Variants in FOXP1 observed in about 807,000 individuals in gnomAD.
The protein encoded by FOXP1 is forkhead box P1.
FOXP1 carries 15 observed loss-of-function variants against 98.2 expected under a neutral mutation model. That is an observed-to-expected ratio of 0.15 (90% CI 0.10 to 0.24). The LOEUF (loss-of-function observed/expected upper bound fraction) is 0.24, where lower values mean the gene tolerates loss of function less well. Ranked by LOEUF, FOXP1 falls within the 10% of genes least tolerant of loss-of-function variation. The pLI is 1.00. For missense variants in FOXP1, 633 were observed against 848.5 expected (o/e 0.75, Z 3.15); for synonymous variants, 371 against 314.5 (o/e 1.18, Z -1.90).
chr3:71,197,343 A>C (rs563022348), intron 6 of FOXP1, among the ~76,000 whole-genome samples: 10 of 152,274 alleles, frequency 6.6e-5, no homozygotes, highest in South Asian at 4.1e-4. Flanking sequence ...CCTGATTCCG[A>C]GGAATCAGGA....
At chr3:71,438,755 A>G (rs1259858517) in intron 3 of FOXP1, among the ~76,000 whole-genome samples, 2 of 152,126 alleles carry the variant, frequency 1.3e-5, no homozygotes, top group Non-Finnish European at 2.9e-5. Context: ...AAAAAAAAAA[A>G]ACCAGTCTCC....
At chr3:71,176,708 T>G (rs2061956200) in intron 6 of FOXP1, among the ~76,000 whole-genome samples, 1 of 125,366 alleles carries the variant, frequency 8.0e-6, no homozygotes, top group Non-Finnish European at 1.6e-5. Flanking sequence ...ACTACTGTAC[T>G]ACTCCAGCCA....
rs565765496 is a variant in FOXP1, at chr3:71,075,664, G to T, written c.283-21891C>A. Among the ~76,000 whole-genome samples, 11 of 152,024 alleles carry T rather than the reference G, an allele frequency of 7.2e-5. No homozygotes were observed. In the East Asian group the frequency reaches 2.1e-3, roughly 29 times the overall value. On this transcript the variant is annotated intron_variant, in intron 7 of 20. Coordinates refer to ENST00000649528, the MANE Select transcript of FOXP1 (RefSeq NM_001349338.3). ...TTCATCACTTGCATGTGGTGAAGGA[G>T]TATGGTGATTTGCTAAACACTGAGC...
At chr3:71,191,134 T>G (rs1384560509) in intron 6 of FOXP1, among the ~76,000 whole-genome samples, 1 of 152,200 alleles carries the variant, frequency 6.6e-6, no homozygotes, top group Non-Finnish European at 1.5e-5. Context: ...TATATAAACA[T>G]TCCAATTCTG....
intron 12 of FOXP1, among the ~76,000 whole-genome samples, chr3:71,010,834 T>TC (rs932229295): frequency 3.6e-4 from 26 of 72,174 alleles, no homozygotes; most frequent in Middle Eastern, 6.5e-3. Context: ...TAACCCCCCC[T>TC]CCCCCCCCAC....
intron 14 of FOXP1, among the ~76,000 whole-genome samples, chr3:70,985,870 T>C (rs1408983530): frequency 6.6e-6 from 1 of 152,126 alleles, no homozygotes; most frequent in Non-Finnish European, 1.5e-5. Context: ...TCTAAATAAA[T>C]GGTTATAGAA....
chr3:71,194,717 GT>G (rs1370981965), intron 6 of FOXP1, among the ~76,000 whole-genome samples: 1 of 152,152 alleles, frequency 6.6e-6, no homozygotes, highest in Non-Finnish European at 1.5e-5. Context: ...ATAAAAAGCA[GT>G]TATGGTATCG....
chr3:71,009,679 G>A (rs1256039133), intron 12 of FOXP1, among the ~76,000 whole-genome samples: 3 of 152,100 alleles, frequency 2.0e-5, no homozygotes, highest in Non-Finnish European at 1.5e-5. Context: ...AGGTTAAGAA[G>A]TTCTAACGCT....
chr3:71,209,669 A>T (rs115952259), intron 5 of FOXP1, among the ~76,000 whole-genome samples: 22 of 152,344 alleles, frequency 1.4e-4, no homozygotes, highest in African/African-American at 4.6e-4. Context: ...AAGTGTTAAG[A>T]AGAAACGTTT....
chr3:71,521,509 A>C, intron 2 of FOXP1, among the ~76,000 whole-genome samples: 1 of 140,912 alleles, frequency 7.1e-6, no homozygotes, highest in East Asian at 2.3e-4. Flanking sequence ...TTTGGCCAAC[A>C]GAGTGAGACC....
At chr3:71,505,469 G>C (rs1165207959) in intron 2 of FOXP1, among the ~76,000 whole-genome samples, 2 of 145,136 alleles carry the variant, frequency 1.4e-5, no homozygotes, top group Non-Finnish European at 3.0e-5. Flanking sequence ...CGCCCAGGCT[G>C]GAGTGCAGTG....
At chr3:71,414,983 T>A (rs1178952726) in intron 3 of FOXP1, among the ~76,000 whole-genome samples, 1 of 152,208 alleles carries the variant, frequency 6.6e-6, no homozygotes, top group Non-Finnish European at 1.5e-5. Flanking sequence ...TTGTTCACTT[T>A]AAAAAATTAA....
chr3:71,158,054 C>T (rs2108113377), intron 6 of FOXP1, among the ~76,000 whole-genome samples: 1 of 135,870 alleles, frequency 7.4e-6, no homozygotes, highest in South Asian at 2.6e-4. Flanking sequence ...CACCACTGCA[C>T]TCCAGCCTGG....
intron 2 of FOXP1, among the ~76,000 whole-genome samples, chr3:71,534,562 C>A (rs1339856157): frequency 6.6e-6 from 1 of 152,196 alleles, no homozygotes. Context: ...CAATATCTTC[C>A]TCTTATAAGC....
intron 4 of FOXP1, among the ~76,000 whole-genome samples, chr3:71,352,860 C>T (rs142173089): frequency 0.01 from 1,594 of 152,190 alleles, 27 homozygotes; most frequent in African/African-American, 0.036. Flanking sequence ...GGTGACAGCA[C>T]GAAATGCAAG....
chr3:71,178,220 C>T (rs1326489398), intron 6 of FOXP1, among the ~76,000 whole-genome samples: 3 of 151,302 alleles, frequency 2.0e-5, no homozygotes, highest in Non-Finnish European at 1.5e-5. Flanking sequence ...CTGCAACCTC[C>T]GCCTCCCGGG....
In FOXP1 at chr3:70,959,432, GCC is replaced by G; in HGVS notation, c.1890-43_1890-42del. 3.1e-6 allele frequency: 5 copies of G among 1,612,812 alleles called. No homozygotes were observed. The South Asian group carries it at 5.5e-5, about 18-fold the overall frequency. ...AGAGGTTCAGTGAGGGTACTTCCCA[GCC>G]CATTGCAGCTCAGGTGCACTGAAAA... On this transcript the variant is annotated intron_variant, in intron 20 of 20. Coordinates refer to ENST00000649528, the MANE Select transcript of FOXP1 (RefSeq NM_001349338.3).
chr3:71,381,379 C>G (rs991830536), intron 3 of FOXP1, among the ~76,000 whole-genome samples: 3 of 151,360 alleles, frequency 2.0e-5, no homozygotes, highest in Admixed American at 2.0e-4. Flanking sequence ...ACCTCGTGAT[C>G]CGCCCTCCTC....
intron 6 of FOXP1, among the ~76,000 whole-genome samples, chr3:71,194,318 ATGT>A (rs1362076358): frequency 6.6e-6 from 1 of 152,010 alleles, no homozygotes; most frequent in Non-Finnish European, 1.5e-5. Flanking sequence ...ATTAAATGGA[ATGT>A]TGTTAAGAAA....
Sources: gnomAD v4.1 joint callset for allele counts (sites outside exome capture counted in the v4.1 genomes callset) on GRCh38, gnomAD v4.1.1 for gene constraint, MANE v1.5 for transcripts, NCBI Gene and HGNC (gene_info 2026-07-23, HGNC 2026-07-21) for gene names.